CNTN1: variants seen among roughly 807,000 people sequenced by gnomAD.
CNTN1 encodes contactin 1, also known as contactin-1.
CNTN1 carries 38 observed loss-of-function variants against 126.4 expected under a neutral mutation model. That is an observed-to-expected ratio of 0.30 (90% confidence interval 0.23 to 0.39). CNTN1 has a LOEUF of 0.39. Among genes scored for constraint, CNTN1 ranks in the 10% least tolerant of loss-of-function variants. The probability of loss-of-function intolerance (pLI) is 1.00; values close to 1 mark genes in which losing one functional copy is unlikely to be tolerated. For missense variants in CNTN1, 1,009 were observed against 1,248.4 expected (o/e 0.81, Z 2.89); for synonymous variants, 413 against 422.6 (o/e 0.98, Z 0.28).
intron 1 of CNTN1, among the ~76,000 whole-genome samples, chr12:40,872,571 CTTT>C (rs35866838): frequency 9.2e-6 from 1 of 108,636 alleles, no homozygotes; most frequent in Non-Finnish European, 1.8e-5. Flanking sequence ...TTTTTTCTTT[CTTT>C]TTTTTTTTTT....
intron 11 of CNTN1, 37 bp from the exon 12 acceptor site, chr12:40,939,298 A>G: frequency 6.2e-7 from 1 of 1,609,402 alleles, no homozygotes; most frequent in Non-Finnish European, 8.5e-7. Context: ...GGCTTTACAA[A>G]CAGAAAGAGA....
intron 1 of CNTN1, among the ~76,000 whole-genome samples, chr12:40,862,583 G>C (rs1943152698): frequency 6.6e-6 from 1 of 151,978 alleles, no homozygotes; most frequent in South Asian, 2.1e-4. Context: ...ATATCATCTG[G>C]CTTTTTTCAC....
intron 1 of CNTN1, among the ~76,000 whole-genome samples, chr12:40,758,264 T>C (rs1220132751): frequency 4.6e-5 from 7 of 151,848 alleles, no homozygotes. Flanking sequence ...TTGATTTCTA[T>C]TTATATATTC....
chr12:40,794,110 C>T (rs953173568), intron 1 of CNTN1, among the ~76,000 whole-genome samples: 4 of 151,970 alleles, frequency 2.6e-5, no homozygotes, highest in Non-Finnish European at 5.9e-5. Flanking sequence ...TTTAATAACC[C>T]TATCATTGTA....
chr12:40,961,194 C>T (rs1318098620), intron 15 of CNTN1, among the ~76,000 whole-genome samples: 1 of 151,874 alleles, frequency 6.6e-6, no homozygotes, highest in Non-Finnish European at 1.5e-5. Context: ...CTAATAAAAC[C>T]ATACAGGTAC....
chr12:40,838,323 A>T (rs1263581763), intron 1 of CNTN1, among the ~76,000 whole-genome samples: 1 of 152,146 alleles, frequency 6.6e-6, no homozygotes. Flanking sequence ...ACCAACATCA[A>T]CACACACCAA....
chr12:40,988,501 G>A (rs1476612447), intron 16 of CNTN1, among the ~76,000 whole-genome samples: 1 of 152,072 alleles, frequency 6.6e-6, no homozygotes, highest in East Asian at 1.9e-4. Flanking sequence ...CAATTAATCA[G>A]TGTGCTCTAA....
chr12:40,698,943 C>T (rs1941526595), intron 1 of CNTN1, among the ~76,000 whole-genome samples: 1 of 152,114 alleles, frequency 6.6e-6, no homozygotes, highest in Admixed American at 6.5e-5. Context: ...TCCCATGTTC[C>T]CCATGTTCTA....
At position 40,933,887 on chromosome 12, in the gene CNTN1, A is replaced by G. The variant is rs749472680; in HGVS notation, c.985+9A>G. ...AAGAATTTATGTTCAAGGTAGATAC[A>G]TTATTTTAATTTTGTATAAATTTCA... On this transcript the variant is annotated intron_variant, in intron 9 of 23. Coordinates refer to ENST00000551295, the MANE Select transcript of CNTN1 (RefSeq NM_001843.4). 1.9e-6 allele frequency: 3 copies of G among 1,601,628 alleles called. No individual in the cohort carries two copies. The highest frequency in any genetic ancestry group is 3.3e-5 in the Admixed American group (2 of 59,750).
At chr12:40,945,120 C>T (rs745498408) in intron 14 of CNTN1, among the ~76,000 whole-genome samples, 2 of 152,050 alleles carry the variant, frequency 1.3e-5, no homozygotes, top group Non-Finnish European at 2.9e-5. Flanking sequence ...TACAACTGTA[C>T]ACCTCTAGTA....
At chr12:40,946,338 A>G (rs762399457) in intron 14 of CNTN1, among the ~76,000 whole-genome samples, 1 of 152,134 alleles carries the variant, frequency 6.6e-6, no homozygotes, top group Non-Finnish European at 1.5e-5. Context: ...GGCTCCTCCT[A>G]TGAAAATCTT....
chr12:41,061,754 T>C (rs1194184090), intron 23 of CNTN1: 4 of 455,654 alleles, frequency 8.8e-6, no homozygotes, highest in South Asian at 6.2e-5. Context: ...AACCCTATCA[T>C]TTTACAGAAG....
chr12:40,932,937 A>G (rs1006390852), intron 7 of CNTN1, among the ~76,000 whole-genome samples: 2 of 151,832 alleles, frequency 1.3e-5, no homozygotes, highest in African/African-American at 2.4e-5. Flanking sequence ...AAATGAAATA[A>G]AGTGTCTAGT....
At chr12:40,840,636 A>G (rs1373073957) in intron 1 of CNTN1, among the ~76,000 whole-genome samples, 1 of 152,066 alleles carries the variant, frequency 6.6e-6, no homozygotes, top group African/African-American at 2.4e-5. Flanking sequence ...TTGAAATTAT[A>G]TCAAGTATCT....
intron 1 of CNTN1, among the ~76,000 whole-genome samples, chr12:40,812,065 T>A (rs530671333): frequency 2.0e-5 from 3 of 152,150 alleles, no homozygotes; most frequent in Non-Finnish European, 4.4e-5. Context: ...TTTTGCTGCA[T>A]CCCTTAAATT....
At chr12:40,803,333 G>A (rs904184648) in intron 1 of CNTN1, among the ~76,000 whole-genome samples, 11 of 151,880 alleles carry the variant, frequency 7.2e-5, no homozygotes, top group Admixed American at 2.6e-4. Context: ...TAAACTGCCC[G>A]TTTGTGGGGA....
In CNTN1 at chr12:40,723,650, G is replaced by T. The variant is rs940270241; in HGVS notation, c.-77+31058G>T. Among the ~76,000 whole-genome samples, 46 of 152,186 alleles carry T rather than the reference G, an allele frequency of 3.0e-4. 1 individual carries two copies. The stretch of plus-strand genomic sequence containing the variant: ...CTGTTATTCATTCCAGGCATGAAGT[G>T]ATCACACCTTTTGCCCTATTAGGAT... On this transcript the variant is annotated intron_variant, in intron 1 of 23. Transcript: ENST00000551295.
At chr12:40,865,456 C>T (rs1171944920) in intron 1 of CNTN1, among the ~76,000 whole-genome samples, 1 of 152,036 alleles carries the variant, frequency 6.6e-6, no homozygotes, top group African/African-American at 2.4e-5. Flanking sequence ...TGCTTTCTTC[C>T]AAGAAACATA....
At chr12:40,890,325 C>T (rs1160195167) in intron 1 of CNTN1, among the ~76,000 whole-genome samples, 2 of 152,122 alleles carry the variant, frequency 1.3e-5, no homozygotes, top group African/African-American at 2.4e-5. Context: ...TTGTTAAAAT[C>T]GATGAACCCG....
Sources: gnomAD v4.1 joint callset for allele counts (sites outside exome capture counted in the v4.1 genomes callset) on GRCh38, gnomAD v4.1.1 for gene constraint, MANE v1.5 for transcripts, NCBI Gene and HGNC (gene_info 2026-07-23, HGNC 2026-07-21) for gene names.